The following SLC25A37 variants were observed in gnomAD, a reference collection of about 807,000 sequenced individuals.
SLC25A37 encodes mitoferrin-1.
Under a neutral mutation model 31.0 loss-of-function variants are expected in SLC25A37, and 17 were observed. The observed-to-expected ratio is 0.55, with a 90% CI of 0.38 to 0.82. The LOEUF is 0.82. Among genes scored for constraint, SLC25A37 ranks in the 40% least tolerant of loss-of-function variants. The probability of loss-of-function intolerance (pLI) is 0.00; values close to 1 mark genes in which losing one functional copy is unlikely to be tolerated. For synonymous variants in SLC25A37, 222 were observed against 193.0 expected (o/e 1.15, Z -1.24); for missense variants, 404 against 465.8 (o/e 0.87, Z 1.22).
intron 1 of SLC25A37, among the ~76,000 whole-genome samples, chr8:23,546,569 TATATATATATATA>T (rs1802063325): frequency 1.6e-4 from 10 of 62,194 alleles, no homozygotes; most frequent in African/African-American, 1.0e-3. Flanking sequence ...TATATATATA[TATATATATATATA>T]GTGTATATAT....
At position 23,529,869 on chromosome 8, in the gene SLC25A37, T is replaced by A. The variant is rs933852354; in HGVS notation, c.210+657T>A. On this transcript the variant is annotated intron_variant, in intron 1 of 3. Coordinates refer to ENST00000519973, the MANE Select transcript of SLC25A37 (RefSeq NM_016612.4). The surrounding 1 kb of genome is among the most constrained non-coding windows in gnomAD (Gnocchi z 4.1). ...GGGTCGCCGAGCCGCCGGGAGGCAA[T>A]GACGTTTGCCTTCTCCTTTTGCTTG... 3.3e-5 allele frequency among the ~76,000 whole-genome samples: 5 copies of A among 152,118 alleles called. No homozygotes were observed. The highest frequency in any genetic ancestry group is 1.2e-4 in the African/African-American group (5 of 41,428).
intron 1 of SLC25A37, among the ~76,000 whole-genome samples, chr8:23,563,196 AT>A (rs1256697087): frequency 6.6e-6 from 1 of 151,664 alleles, no homozygotes; most frequent in Non-Finnish European, 1.5e-5. Flanking sequence ...TTAATTTTTA[AT>A]TTTTTTTAAG....
chr8:23,546,553 A>AT lies in SLC25A37; in HGVS notation c.210+17341_210+17342insT, dbSNP rs377556225. Among the ~76,000 whole-genome samples the AT allele has an allele frequency of 4.5e-3, 76 of 17,070 alleles. 2 individuals carry two copies. The highest frequency in any genetic ancestry group is 0.033 in the Middle Eastern group (1 of 30). 11.2% of individuals were successfully genotyped at this position (17,070 alleles called of 152,430 possible). On this transcript the variant is annotated intron_variant, in intron 1 of 3. Transcript: ENST00000519973. ...GGTGTATATATATATATATATATAT[A>AT]GTGTATATATATATATATATATATA...
chr8:23,534,044 G>T (rs191051211), intron 1 of SLC25A37, among the ~76,000 whole-genome samples: 31 of 152,144 alleles, frequency 2.0e-4, no homozygotes, highest in Admixed American at 2.0e-3. Context: ...ACCTCCCAGG[G>T]CTTGAGTGAT....
chr8:23,554,589 TG>T (rs1370310015), intron 1 of SLC25A37, among the ~76,000 whole-genome samples: 2 of 152,214 alleles, frequency 1.3e-5, no homozygotes, highest in Admixed American at 1.3e-4. Context: ...ACACTGGGCA[TG>T]GGCCAGGCAC....
intron 1 of SLC25A37, among the ~76,000 whole-genome samples, chr8:23,556,606 G>T (rs1464170981): frequency 6.6e-6 from 1 of 151,804 alleles, no homozygotes; most frequent in Non-Finnish European, 1.5e-5. Context: ...GTATATATAT[G>T]TGTGTATATG....
intron 1 of SLC25A37, among the ~76,000 whole-genome samples, chr8:23,534,786 T>C (rs1801731322): frequency 6.6e-6 from 1 of 152,242 alleles, no homozygotes. Flanking sequence ...AAGCCCTCGC[T>C]GCACTTCACA....
At chr8:23,568,585 G>A (rs535734274) in intron 3 of SLC25A37, 19 of 590,114 alleles carry the variant, frequency 3.2e-5, no homozygotes, top group East Asian at 8.7e-5. Context: ...TCCTGTGCTC[G>A]GAGCTACTCA....
chr8:23,553,459 A>G (rs1802282065), intron 1 of SLC25A37, among the ~76,000 whole-genome samples: 1 of 151,914 alleles, frequency 6.6e-6, no homozygotes. Context: ...AAAACCAACA[A>G]TTTTGAGGAT....
chr8:23,572,244 AAAAAT>A lies in SLC25A37; in HGVS notation c.*390_*394del, dbSNP rs1477765243. On this transcript the variant is annotated 3_prime_UTR_variant, in exon 4 of 4. Transcript: ENST00000519973. ...AAAAAAAAAAAAAAAAAAAAAAAAA[AAAAAT>A]TTATGTATATAAAAGTTGCATTACA... 49 of 87,470 alleles carry A rather than the reference AAAAAT, an allele frequency of 5.6e-4. 2 individuals carry two copies. Among genetic ancestry groups the A allele is most frequent in the African/African-American group, 8.4e-4 (21 of 24,974 alleles). 5.4% of individuals were successfully genotyped at this position (87,470 alleles called of 1,614,324 possible). A position where few individuals can be genotyped will look rare whatever the true frequency, so the allele number is the denominator to read the frequency against.
chr8:23,539,344 G>A lies in SLC25A37; in HGVS notation c.210+10132G>A, dbSNP rs2117392814. Among the ~76,000 whole-genome samples the A allele has an allele frequency of 2.6e-5, 4 of 152,282 alleles. 1 individual carries two copies. The highest frequency in any genetic ancestry group is 6.8e-3 in the Middle Eastern group (2 of 294). ...GATCCATCCAGAGAGCCACTTGGAAGGCTCTGGGACCTTGAGTTCTGGCTG... is the reference window on the plus strand; with the variant it reads ...GATCCATCCAGAGAGCCACTTGGAAAGCTCTGGGACCTTGAGTTCTGGCTG... On this transcript the variant is annotated intron_variant, in intron 1 of 3. Coordinates refer to ENST00000519973, the MANE Select transcript of SLC25A37 (RefSeq NM_016612.4).
rs141943772 is a variant in SLC25A37, at chr8:23,562,979, A to C, written c.211-3129A>C. Among the ~76,000 whole-genome samples the C allele has an allele frequency of 4.0e-3, 612 of 152,248 alleles. 5 individuals carry two copies. Among genetic ancestry groups the C allele is most frequent in the African/African-American group, 0.014 (583 of 41,548 alleles). Reference sequence around the variant, plus strand: ...TGAGCGATTTCATATGTCCTAAAGGAGGAGTTTTGCCTCTTCCTTCCCAGC... The same window carrying C: ...TGAGCGATTTCATATGTCCTAAAGGCGGAGTTTTGCCTCTTCCTTCCCAGC... On this transcript the variant is annotated intron_variant, in intron 1 of 3. Transcript: ENST00000519973.
intron 1 of SLC25A37, among the ~76,000 whole-genome samples, chr8:23,546,342 C>T (rs1395109140): frequency 2.6e-5 from 4 of 151,266 alleles, no homozygotes; most frequent in Non-Finnish European, 5.9e-5. Flanking sequence ...AGAAAATGAC[C>T]TGTGTGGGGA....
intron 3 of SLC25A37, chr8:23,568,948 G>GAAAAAAA (rs36012601): frequency 1.7e-5 from 2 of 120,452 alleles, no homozygotes; most frequent in African/African-American, 3.2e-5. Flanking sequence ...ATCTCAAAAG[G>GAAAAAAA]AAAAAAAAAA....
rs948838071 is a variant in SLC25A37 at position 23,575,299 on chromosome 8, C to T, written c.*3444C>T. Reference sequence around the variant, plus strand: ...TTTCAAGGGTGAGCAAGTGTTATTTCTTAAATTTCTCAAATGCCTGTAGTA... The same window carrying T: ...TTTCAAGGGTGAGCAAGTGTTATTTTTTAAATTTCTCAAATGCCTGTAGTA... On this transcript the variant is annotated 3_prime_UTR_variant, in exon 4 of 4. Coordinates refer to ENST00000519973, the MANE Select transcript of SLC25A37 (RefSeq NM_016612.4). 3 of 152,292 alleles carry T rather than the reference C, an allele frequency of 2.0e-5. No individual in the cohort carries two copies. Among genetic ancestry groups the T allele is most frequent in the African/African-American group, 7.2e-5 (3 of 41,562 alleles). 9.4% of individuals were successfully genotyped at this position (152,292 alleles called of 1,614,324 possible).
chr8:23,561,805 G>A (rs989856700), intron 1 of SLC25A37, among the ~76,000 whole-genome samples: 5 of 152,226 alleles, frequency 3.3e-5, no homozygotes, highest in African/African-American at 7.2e-5. Flanking sequence ...GAATCAGTGT[G>A]TGCTAGGGTG....
intron 1 of SLC25A37, among the ~76,000 whole-genome samples, chr8:23,555,866 A>G (rs1802350812): frequency 6.6e-6 from 1 of 152,230 alleles, no homozygotes; most frequent in Admixed American, 6.5e-5. Context: ...TGAACGCTGA[A>G]GGAAGTCTAG....
At chr8:23,530,359 C>T (rs1034516535) in intron 1 of SLC25A37, among the ~76,000 whole-genome samples, 2 of 152,218 alleles carry the variant, frequency 1.3e-5, no homozygotes, top group African/African-American at 4.8e-5. Flanking sequence ...CCCCCAGCAG[C>T]TTTATCTTGT....
At chr8:23,548,913 C>G (rs988606469) in intron 1 of SLC25A37, among the ~76,000 whole-genome samples, 4 of 152,208 alleles carry the variant, frequency 2.6e-5, no homozygotes, top group Non-Finnish European at 5.9e-5. Flanking sequence ...TGACACCAGC[C>G]TTCTCGGAGC....
Sources: allele counts gnomAD v4.1 joint callset (sites outside exome capture counted in the v4.1 genomes callset), GRCh38; gene constraint gnomAD v4.1.1; non-coding constraint Gnocchi (gnomAD v3.1); transcripts MANE v1.5; gene names NCBI Gene and HGNC (gene_info 2026-07-23, HGNC 2026-07-21).